NOTCH2: variants seen among roughly 807,000 people sequenced by gnomAD.
NOTCH2 encodes notch receptor 2.
A neutral mutation model predicts 235.8 loss-of-function variants in NOTCH2; 29 were observed. The observed-to-expected ratio is 0.12, with a 90% confidence interval of 0.09 to 0.17. The LOEUF (loss-of-function observed/expected upper bound fraction) is 0.17, where lower values mean the gene tolerates loss of function less well. Among genes scored for constraint, NOTCH2 ranks in the 10% least tolerant of loss-of-function variants. The pLI, the probability that NOTCH2 is intolerant of heterozygous loss-of-function variation, is 1.00. For missense variants in NOTCH2, 2,285 were observed against 3,150.2 expected (o/e 0.73, Z 6.57); for synonymous variants, 1,086 against 1,141.5 (o/e 0.95, Z 0.98).
chr1:119,918,339 ACT>A, intron 32 of NOTCH2, 65 bp downstream of exon 32: 2 of 1,571,686 alleles, frequency 1.3e-6, no homozygotes, highest in Non-Finnish European at 1.7e-6. Context: ...GGGTCACGTA[ACT>A]CTATTCCCCT....
At chr1:119,951,776 G>C (rs893116971) in intron 14 of NOTCH2, among the ~76,000 whole-genome samples, 1 of 152,216 alleles carries the variant, frequency 6.6e-6, no homozygotes, top group South Asian at 2.1e-4. Flanking sequence ...TGGCACTGTG[G>C]AAAAGAAAAC....
chr1:119,974,531 T>C (rs587665951), intron 5 of NOTCH2, among the ~76,000 whole-genome samples: 10 of 152,356 alleles, frequency 6.6e-5, no homozygotes, highest in Admixed American at 2.6e-4. Flanking sequence ...CTGTAACTAC[T>C]GACAATTTTC....
rs1235224462 is a variant in NOTCH2 at position 119,925,634 on chromosome 1, C to G, written c.4182G>C (p.Gln1394His). 6.2e-7 allele frequency: 1 copy of G among 1,613,448 alleles called. No individual in the cohort carries two copies. The change falls in exon 25 of 34, where the codon CAG becomes CAC. Residue 1394 changes from glutamine (Q) to histidine (H), a missense_variant. Transcript: ENST00000256646. ...QHGGSCHPQR[Q>H]PPYYSCQCAP... ...CACACTGGCAGGAGTAATAAGGAGG[C>G]TGGCGCTGAGGGTGGCAGCTGCCCC... is the stretch of plus-strand genomic sequence containing the variant.
At chr1:119,967,365 T>C (rs1651181917) in intron 8 of NOTCH2, 68 bp downstream of exon 8, 2 of 1,349,546 alleles carry the variant, frequency 1.5e-6, no homozygotes, top group Non-Finnish European at 2.1e-6. Flanking sequence ...GTATACTGAA[T>C]GCTCTACCAA....
intron 33 of NOTCH2, 44 bp from the exon 34 acceptor site, chr1:119,916,738 T>C (rs1372526216): frequency 6.3e-7 from 1 of 1,593,308 alleles, no homozygotes; most frequent in East Asian, 2.2e-5. Flanking sequence ...ATAACACTCT[T>C]GAGAATATAG....
intron 5 of NOTCH2, among the ~76,000 whole-genome samples, chr1:119,975,889 G>C (rs1009420598): frequency 1.3e-5 from 2 of 152,088 alleles, no homozygotes; most frequent in African/African-American, 2.4e-5. Flanking sequence ...ATCTGATTTG[G>C]AGCTACAAGT....
intron 5 of NOTCH2, among the ~76,000 whole-genome samples, chr1:119,980,896 C>T (rs969099755): frequency 2.6e-5 from 4 of 152,142 alleles, no homozygotes; most frequent in African/African-American, 9.7e-5. Flanking sequence ...TGGCCGAGCT[C>T]TCTTCCCACC....
At chr1:119,988,229 T>C (rs1297027953) in intron 4 of NOTCH2, among the ~76,000 whole-genome samples, 3 of 152,158 alleles carry the variant, frequency 2.0e-5, no homozygotes, top group Non-Finnish European at 4.4e-5. Context: ...TAAGTTACTG[T>C]GGCATTCTAC....
chr1:119,970,804 A>T (rs1429918529), intron 5 of NOTCH2, among the ~76,000 whole-genome samples: 2 of 152,240 alleles, frequency 1.3e-5, no homozygotes, highest in Non-Finnish European at 2.9e-5. Context: ...CTATCAAAGG[A>T]ACTAAAATTT....
At position 119,922,425 on chromosome 1, in the gene NOTCH2, C is replaced by A. The variant is rs372916164; in HGVS notation, c.5024G>T (p.Arg1675Leu). 7 of 1,612,882 alleles carry A rather than the reference C, an allele frequency of 4.3e-6. No homozygotes were observed. Among genetic ancestry groups the A allele is most frequent in the Non-Finnish European group, 5.9e-6 (7 of 1,179,366 alleles). Residue 1675 changes from arginine (R) to leucine (L), a missense_variant, in exon 28 of 34, where the codon CGC becomes CTC. This residue lies in a region of NOTCH2 where 1,173 missense variants were observed against 1,515.3 expected (regional missense o/e 0.77). Transcript: ENST00000256646. ...AGCAAGGAGATAGAGGAGCTGAGTG[C>A]GTTCTGGAGTCAGGGATTCACCTGA... ...SVVSESLTPE[R>L]TQLLYLLAVA...
At chr1:120,037,907 A>C (rs1654376766) in intron 1 of NOTCH2, among the ~76,000 whole-genome samples, 1 of 152,134 alleles carries the variant, frequency 6.6e-6, no homozygotes, top group South Asian at 2.1e-4. Context: ...AATGATAACA[A>C]CTTATAAATG....
rs200464440 is a variant in NOTCH2 at position 119,997,045 on chromosome 1, T to A, written c.703A>T (p.Thr235Ser). The A allele has an allele frequency of 2.9e-5, 47 of 1,613,832 alleles. No individual in the cohort carries two copies. The highest frequency in any genetic ancestry group is 4.0e-5 in the African/African-American group (3 of 74,942). Residue 235 changes from threonine to serine, a missense_variant, in exon 4 of 34, where the codon ACC (threonine) becomes TCC (serine). Thr to Ser is a moderately conservative substitution (Grantham distance 58). Coordinates refer to ENST00000256646, the MANE Select transcript of NOTCH2 (RefSeq NM_024408.4). ...CAPSPCVNGG[T>S]CRQTGDFTFE... is the part of the protein sequence containing the mutation. ...GTGAAGTCACCAGTCTGCCGACAGG[T>A]GCCTCCATTGACACAAGGTGAGGGT...
In NOTCH2 at chr1:120,058,332, C is replaced by T. The variant is rs1425452329; in HGVS notation, c.73+11002G>A. On this transcript the variant is annotated intron_variant, in intron 1 of 33. Transcript: ENST00000256646. ...CAGCCTGCCCAACATAGAGAAACCC[C>T]GTCTCTACTAAAACTACAAAAAATT... is the stretch of plus-strand genomic sequence containing the variant. 7.0e-4 allele frequency among the ~76,000 whole-genome samples: 106 copies of T among 150,924 alleles called. 1 individual carries two copies. The highest frequency in any genetic ancestry group is 6.8e-3 in the Middle Eastern group (2 of 294).
chr1:120,033,086 T>G (rs1336521737), intron 1 of NOTCH2, among the ~76,000 whole-genome samples: 2 of 150,966 alleles, frequency 1.3e-5, no homozygotes, highest in African/African-American at 4.9e-5. Flanking sequence ...TGTACACCCA[T>G]ACCAAGTTAT....
chr1:120,010,190 G>A (rs1488350145), intron 2 of NOTCH2, among the ~76,000 whole-genome samples: 3 of 151,138 alleles, frequency 2.0e-5, no homozygotes, highest in African/African-American at 4.9e-5. Context: ...CTTATCATTC[G>A]TGTTCACAGT....
chr1:119,959,522 G>A lies in NOTCH2; in HGVS notation c.1916-20C>T, dbSNP rs377578145. ...TAACCCCTGGAAGAGAAAACCCAAC[G>A]GAAACCATTCAATGTTACCACAGAA... is the stretch of plus-strand genomic sequence containing the variant. On this transcript the variant is annotated intron_variant, in intron 11 of 33. Coordinates refer to ENST00000256646, the MANE Select transcript of NOTCH2 (RefSeq NM_024408.4). The A allele has an allele frequency of 3.9e-5, 51 of 1,300,884 alleles. No homozygotes were observed. Among genetic ancestry groups the A allele is most frequent in the South Asian group, 2.7e-4 (23 of 84,942 alleles). 80.6% of individuals were successfully genotyped at this position (1,300,884 alleles called of 1,614,324 possible).
At chr1:119,977,601 T>C (rs1456500390) in intron 5 of NOTCH2, among the ~76,000 whole-genome samples, 1 of 152,218 alleles carries the variant, frequency 6.6e-6, no homozygotes, top group Non-Finnish European at 1.5e-5. Flanking sequence ...CCAACGTCAC[T>C]ACTAACCTCA....
intron 3 of NOTCH2, among the ~76,000 whole-genome samples, chr1:120,002,076 G>C (rs1287017026): frequency 6.6e-6 from 1 of 152,168 alleles, no homozygotes; most frequent in East Asian, 1.9e-4. Flanking sequence ...GGAAATGGAA[G>C]TGGTACCACT....
At chr1:119,926,711 C>G (rs1649487756) in intron 23 of NOTCH2, 100 bp from the exon 24 acceptor site, 1 of 903,878 alleles carries the variant, frequency 1.1e-6, no homozygotes, top group African/African-American at 1.6e-5. Context: ...ATAGGTGAAG[C>G]AAGTGTGAGA....
Sources: allele counts gnomAD v4.1 joint callset (sites outside exome capture counted in the v4.1 genomes callset), GRCh38; gene constraint gnomAD v4.1.1; regional missense constraint gnomAD v4.1.1; transcripts MANE v1.5; gene names NCBI Gene and HGNC (gene_info 2026-07-23, HGNC 2026-07-21).